ZNF561: variants seen among roughly 807,000 people sequenced by gnomAD.
The protein encoded by ZNF561 is zinc finger protein 561.
In ZNF561, 16 loss-of-function variants were observed where a neutral mutation model predicts 16.7. That is an observed-to-expected ratio of 0.96 (90% CI 0.65 to 1.45). The LOEUF is 1.45. Ranked by LOEUF, ZNF561 falls within the 40% of genes most tolerant of loss-of-function variation. ZNF561 has a pLI of 0.00. For missense variants in ZNF561, 580 were observed against 578.0 expected (o/e 1.00, Z -0.04); for synonymous variants, 190 against 192.1 (o/e 0.99, Z 0.09).
chr19:9,614,713 GA>G (rs1277584464), intron 4 of ZNF561, among the ~76,000 whole-genome samples: 2 of 152,038 alleles, frequency 1.3e-5, no homozygotes, highest in Middle Eastern at 3.2e-3. Context: ...AGTTAACAAA[GA>G]AACAGAACAG....
chr19:9,613,617 A>T (rs1410412360), intron 5 of ZNF561, among the ~76,000 whole-genome samples: 2 of 151,880 alleles, frequency 1.3e-5, no homozygotes, highest in African/African-American at 4.8e-5. Context: ...CTCTGTGTTC[A>T]TGCCATTCTC....
Position 9,610,775 on chromosome 19 carries a change from G to A in ZNF561, c.886C>T (p.Leu296Phe), listed in dbSNP as rs541545732. 5.6e-6 allele frequency: 9 copies of A among 1,614,110 alleles called. No individual in the cohort carries two copies. Among genetic ancestry groups the A allele is most frequent in the Non-Finnish European group, 7.6e-6 (9 of 1,180,018 alleles). Residue 296 changes from leucine (L) to phenylalanine (F), a missense_variant, in exon 6 of 6, where the codon CTT becomes TTT. Leu to Phe is a conservative substitution (Grantham distance 22). Transcript: ENST00000302851. ...CGRSFRNSSC[L>F]NDHIQIHTGI... ...GTGTGAATTTGAATGTGATCATTAA[G>A]GCATGAGGAATTTCTAAAGGATCTT...
At chr19:9,619,937 T>TC in intron 1 of ZNF561, among the ~76,000 whole-genome samples, 1 of 151,972 alleles carries the variant, frequency 6.6e-6, no homozygotes, top group Middle Eastern at 3.4e-3. Context: ...TATCTATCTA[T>TC]CTATCTATCG....
At chr19:9,617,243 G>A in intron 3 of ZNF561, 72 bp from the exon 4 acceptor site, 1 of 1,548,182 alleles carries the variant, frequency 6.5e-7, no homozygotes, top group Non-Finnish European at 8.7e-7. Context: ...AATGATGAAG[G>A]GGAACCTTAT....
At chr19:9,613,806 C>T (rs1314701438) in intron 5 of ZNF561, among the ~76,000 whole-genome samples, 1 of 152,156 alleles carries the variant, frequency 6.6e-6, no homozygotes, top group Non-Finnish European at 1.5e-5. Context: ...TGTGAGTCAC[C>T]ACATTCACCT....
intron 3 of ZNF561, chr19:9,617,413 T>G: frequency 1.3e-6 from 1 of 756,702 alleles, no homozygotes; most frequent in Non-Finnish European, 1.7e-6. Context: ...TGATCTATTT[T>G]TAATTTTTTA....
At chr19:9,620,028 A>G (rs2074640905) in intron 1 of ZNF561, among the ~76,000 whole-genome samples, 1 of 152,064 alleles carries the variant, frequency 6.6e-6, no homozygotes, top group Admixed American at 6.6e-5. Flanking sequence ...TCCCGGGCTC[A>G]AGTGATCCTC....
At chr19:9,618,301 T>TAC in intron 2 of ZNF561, 122 bp from the exon 3 acceptor site, 1 of 972,416 alleles carries the variant, frequency 1.0e-6, no homozygotes. Flanking sequence ...TCGAGAAAAC[T>TAC]ACACACACAA....
In ZNF561 at chr19:9,610,840, G is replaced by A; in HGVS notation, c.821C>T (p.Thr274Ile). The change falls in exon 6 of 6, where the codon ACT (threonine) becomes ATT (isoleucine). Residue 274 changes from threonine (T) to isoleucine (I), a missense_variant. Thr to Ile is a moderately conservative substitution (Grantham distance 89). Coordinates refer to ENST00000302851, the MANE Select transcript of ZNF561 (RefSeq NM_152289.3). ...TTCAAAGGACTTCTCTCCTTTATGA[G>A]TTTTCACAGGTGCATAAAGTTGAGA... Reference protein sequence around the residue: ...NFSQLYAPVKTHKGEKSFECK... With the variant: ...NFSQLYAPVKIHKGEKSFECK... 2 of 1,613,966 alleles carry A rather than the reference G, an allele frequency of 1.2e-6. No individual in the cohort carries two copies. Among genetic ancestry groups the A allele is most frequent in the East Asian group, 4.5e-5 (2 of 44,884 alleles).
intron 2 of ZNF561, 57 bp from the exon 3 acceptor site, chr19:9,618,236 T>C: frequency 6.9e-7 from 1 of 1,456,932 alleles, no homozygotes; most frequent in Non-Finnish European, 9.4e-7. Context: ...TCCCACATTC[T>C]CATGCCTAGA....
At position 9,610,846 on chromosome 19, in the gene ZNF561, ACAGGTGCAT is replaced by A. The variant is rs1375920607; in HGVS notation, c.806_814del (p.Tyr269_Val272delinsLeu). 6.2e-7 allele frequency: 1 copy of A among 1,614,030 alleles called. No homozygotes were observed. The highest frequency in any genetic ancestry group is 1.3e-5 in the African/African-American group (1 of 74,918). On this transcript the variant is annotated inframe_deletion, in exon 6 of 6. Coordinates refer to ENST00000302851, the MANE Select transcript of ZNF561 (RefSeq NM_152289.3). ...GGACTTCTCTCCTTTATGAGTTTTC[ACAGGTGCAT>A]AAAGTTGAGAAAAATTAGTGAAGGA...
rs374762258 is a variant in ZNF561 at position 9,611,302 on chromosome 19, C to A, written c.359G>T (p.Cys120Phe). Residue 120 changes from cysteine to phenylalanine, a missense_variant, in exon 6 of 6, where the codon TGT (cysteine) becomes TTT (phenylalanine). Cys to Phe is a radical substitution (Grantham distance 205, BLOSUM62 -2). Transcript: ENST00000302851. ...RGYSGWKLCD[C>F]KNCGEVFREQ... The stretch of plus-strand genomic sequence containing the variant: ...CCTGAAGACCTCTCCACAATTCTTA[C>A]AGTCACAGAGTTTCCATCCACTGTA... 1.2e-6 allele frequency: 2 copies of A among 1,613,378 alleles called. No homozygotes were observed. The highest frequency in any genetic ancestry group is 1.7e-6 in the Non-Finnish European group (2 of 1,179,352).
intron 5 of ZNF561, among the ~76,000 whole-genome samples, chr19:9,612,399 T>A (rs986349332): frequency 6.6e-6 from 1 of 152,054 alleles, no homozygotes; most frequent in Admixed American, 6.6e-5. Context: ...TTGTTATTTT[T>A]TGTAGAGATG....
Position 9,610,971 on chromosome 19 carries a change from A to T in ZNF561, c.690T>A (p.Tyr230Ter). Residue 230 changes from tyrosine to a stop codon, truncating the protein, a stop_gained, in exon 6 of 6, where the codon TAT (tyrosine) becomes TAA (stop). Coordinates refer to ENST00000302851, the MANE Select transcript of ZNF561 (RefSeq NM_152289.3). LOFTEE classifies it low-confidence loss of function (END_TRUNC). ...GTGAAGAAGCTGTGACAGCTCTCCC[A>T]TATTCCTGAAATTCACAGAGTTTCT... ...TDEKLCEFQE[Y>*]GRAVTASSHL... 1 of 1,614,184 alleles carries T rather than the reference A, an allele frequency of 6.2e-7. No homozygotes were observed. Among genetic ancestry groups the T allele is most frequent in the Non-Finnish European group, 8.5e-7 (1 of 1,180,036 alleles).
chr19:9,614,685 C>A (rs2144887525), intron 4 of ZNF561, among the ~76,000 whole-genome samples: 1 of 152,048 alleles, frequency 6.6e-6, no homozygotes, highest in South Asian at 2.1e-4. Flanking sequence ...AGATAAACAG[C>A]ATGTATCAGA....
intron 3 of ZNF561, chr19:9,617,786 TGATAA>T: frequency 2.1e-6 from 1 of 474,358 alleles, no homozygotes. Context: ...GTGAATGATT[TGATAA>T]AAGGACACTT....
rs912782370 is a variant in ZNF561 at position 9,616,872 on chromosome 19, G to T, written c.241+173C>A. ...GCCTCCCAAAGTGCTGGGATTACAG[G>T]CATGAGCCACTGCGCCCGGCCTAGA... On this transcript the variant is annotated intron_variant, in intron 4 of 5. Coordinates refer to ENST00000302851, the MANE Select transcript of ZNF561 (RefSeq NM_152289.3). 5.1e-6 allele frequency: 4 copies of T among 779,044 alleles called. No individual in the cohort carries two copies. In the African/African-American group the frequency reaches 5.3e-5, roughly 10 times the overall value. The allele number at this position is 779,044 out of a possible 1,614,324, so 48.3% of individuals were successfully genotyped here.
At position 9,610,146 on chromosome 19, in the gene ZNF561, A is replaced by C. The variant is rs2074418186; in HGVS notation, c.*54T>G. ...ACAACCTCCAAAAGGCATTTAGGACAAATCTGATAATCTTTGGTGTCATTG... is the reference window on the plus strand; with the variant it reads ...ACAACCTCCAAAAGGCATTTAGGACCAATCTGATAATCTTTGGTGTCATTG... On this transcript the variant is annotated 3_prime_UTR_variant, in exon 6 of 6. Transcript: ENST00000302851. The C allele has an allele frequency of 1.4e-6, 2 of 1,480,820 alleles. No individual in the cohort carries two copies. The highest frequency in any genetic ancestry group is 4.6e-5 in the East Asian group (2 of 43,810). The allele number at this position is 1,480,820 out of a possible 1,614,324, so 91.7% of individuals were successfully genotyped here. A position where few individuals can be genotyped will look rare whatever the true frequency, so the allele number is the denominator to read the frequency against.
At position 9,607,911 on chromosome 19, in the gene ZNF561, T is replaced by C. The variant is rs8100797; in HGVS notation, c.*2289A>G. 46,158 of 152,028 alleles carry C rather than the reference T, an allele frequency of 0.3. 8,812 individuals are homozygous for C. Among genetic ancestry groups the C allele is most frequent in the African/African-American group, 0.53 (21,815 of 41,436 alleles). The allele number at this position is 152,028 out of a possible 1,614,324, so 9.4% of individuals were successfully genotyped here. A position where few individuals can be genotyped will look rare whatever the true frequency, so the allele number is the denominator to read the frequency against. On this transcript the variant is annotated 3_prime_UTR_variant, in exon 6 of 6. Coordinates refer to ENST00000302851, the MANE Select transcript of ZNF561 (RefSeq NM_152289.3). ...TTTGAGACAGAGTCTCGCTCTGTTGTCCAGGCTGGAATGCAGTGGCTGCGA... is the reference window on the plus strand; with the variant it reads ...TTTGAGACAGAGTCTCGCTCTGTTGCCCAGGCTGGAATGCAGTGGCTGCGA...
Sources: allele counts gnomAD v4.1 joint callset (sites outside exome capture counted in the v4.1 genomes callset), GRCh38; gene constraint gnomAD v4.1.1; transcripts MANE v1.5; gene names NCBI Gene and HGNC (gene_info 2026-07-23, HGNC 2026-07-21).